PDZRN4: variants seen among roughly 807,000 people sequenced by gnomAD.
PDZRN4 encodes PDZ domain containing ring finger 4, also known as PDZ domain-containing RING finger protein 4.
In PDZRN4, 70 loss-of-function variants were observed where a neutral mutation model predicts 99.0. That is an observed-to-expected ratio of 0.71 (90% CI 0.58 to 0.86). The LOEUF is 0.86. Among genes scored for constraint, PDZRN4 ranks in the 40% least tolerant of loss-of-function variants. The pLI is 0.00. For synonymous variants in PDZRN4, 551 were observed against 501.6 expected, an observed-to-expected ratio of 1.10 and a Z score of -1.32; for missense variants, 1,474 against 1,331.2, an observed-to-expected ratio of 1.11 and a Z score of -1.67.
intron 3 of PDZRN4, among the ~76,000 whole-genome samples, chr12:41,428,684 G>A (rs922996439): frequency 6.6e-6 from 1 of 152,170 alleles, no homozygotes; most frequent in Non-Finnish European, 1.5e-5. Flanking sequence ...GAGGAGTTGC[G>A]ACCAGGGAAT....
chr12:41,337,761 G>A (rs181118296), intron 3 of PDZRN4, among the ~76,000 whole-genome samples: 2 of 152,208 alleles, frequency 1.3e-5, no homozygotes, highest in Admixed American at 1.3e-4. Context: ...GCAAAGATGA[G>A]GATGAAGTCA....
chr12:41,487,852 A>G (rs1463731706), intron 3 of PDZRN4, among the ~76,000 whole-genome samples: 1 of 152,226 alleles, frequency 6.6e-6, no homozygotes, highest in African/African-American at 2.4e-5. Context: ...AATTTTCCCA[A>G]ATTGGAGTTA....
At chr12:41,199,434 T>C (rs575480041) in intron 3 of PDZRN4, among the ~76,000 whole-genome samples, 87 of 152,266 alleles carry the variant, frequency 5.7e-4, no homozygotes, top group African/African-American at 1.9e-3. Flanking sequence ...GTAACTCCTG[T>C]GGAAAACACT....
At chr12:41,205,060 G>T (rs917252958) in intron 3 of PDZRN4, among the ~76,000 whole-genome samples, 1 of 151,588 alleles carries the variant, frequency 6.6e-6, no homozygotes, top group African/African-American at 2.4e-5. Context: ...AGATAAAAAT[G>T]AATTACTAGA....
chr12:41,372,545 T>C (rs1354729172), intron 3 of PDZRN4, among the ~76,000 whole-genome samples: 1 of 152,092 alleles, frequency 6.6e-6, no homozygotes, highest in Non-Finnish European at 1.5e-5. Flanking sequence ...TGAAGGATGA[T>C]AGGGATGAGC....
chr12:41,522,713 TC>T (rs558729212), intron 5 of PDZRN4, among the ~76,000 whole-genome samples: 135 of 152,230 alleles, frequency 8.9e-4, no homozygotes, highest in African/African-American at 3.2e-3. Flanking sequence ...CCTGTCACTT[TC>T]CTTAATGGTC....
At chr12:41,253,798 T>G (rs905919388) in intron 3 of PDZRN4, among the ~76,000 whole-genome samples, 1 of 152,188 alleles carries the variant, frequency 6.6e-6, no homozygotes, top group Non-Finnish European at 1.5e-5. Flanking sequence ...GAGATATTAT[T>G]CAGCCACAAA....
At chr12:41,370,640 A>G (rs2121078224) in intron 3 of PDZRN4, among the ~76,000 whole-genome samples, 1 of 152,052 alleles carries the variant, frequency 6.6e-6, no homozygotes, top group African/African-American at 2.4e-5. Flanking sequence ...AGCTGTTATC[A>G]TTCTCCTGCA....
chr12:41,363,899 C>A (rs1279254908), intron 3 of PDZRN4, among the ~76,000 whole-genome samples: 1 of 152,022 alleles, frequency 6.6e-6, no homozygotes. Context: ...AATTCCTCAT[C>A]TTTGGAACTT....
chr12:41,470,316 G>GA lies in PDZRN4; in HGVS notation c.844-36131dup, dbSNP rs920564233. On this transcript the variant is annotated intron_variant, in intron 3 of 9. Coordinates refer to ENST00000402685, the MANE Select transcript of PDZRN4 (RefSeq NM_001164595.2). ...TTTGGCAAAAATCTCCTCCAGGAGA[G>GA]AAAAAAAAATTAACTTGGTATTGGA... Among the ~76,000 whole-genome samples, 14 of 151,380 alleles carry GA rather than the reference G, an allele frequency of 9.2e-5. No homozygotes were observed. In the East Asian group the frequency reaches 9.7e-4, roughly 10 times the overall value.
chr12:41,555,105 T>C (rs1286307560), intron 6 of PDZRN4, among the ~76,000 whole-genome samples: 1 of 144,764 alleles, frequency 6.9e-6, no homozygotes, highest in Non-Finnish European at 1.5e-5. Flanking sequence ...GTGGCAGGCA[T>C]CTGTAGTCAC....
At chr12:41,260,177 A>G (rs10506183) in intron 3 of PDZRN4, among the ~76,000 whole-genome samples, 15,339 of 152,186 alleles carry the variant, frequency 0.1, 892 homozygotes, top group East Asian at 0.18. Flanking sequence ...TCTTTGGATC[A>G]TATTTTTAGA....
At chr12:41,427,786 C>T (rs926047316) in intron 3 of PDZRN4, among the ~76,000 whole-genome samples, 1 of 152,014 alleles carries the variant, frequency 6.6e-6, no homozygotes, top group African/African-American at 2.4e-5. Flanking sequence ...TTCTAGGATC[C>T]CGAAGGTTGA....
At chr12:41,325,361 C>T (rs1850472410) in intron 3 of PDZRN4, among the ~76,000 whole-genome samples, 1 of 152,050 alleles carries the variant, frequency 6.6e-6, no homozygotes, top group Non-Finnish European at 1.5e-5. Context: ...TAAAATGAAC[C>T]AAGATTCATT....
chr12:41,357,152 C>G (rs1951933675), intron 3 of PDZRN4, among the ~76,000 whole-genome samples: 1 of 151,916 alleles, frequency 6.6e-6, no homozygotes, highest in African/African-American at 2.4e-5. Context: ...GTCTCTTTCT[C>G]TCTCTGCCTC....
chr12:41,365,064 C>T (rs925629046), intron 3 of PDZRN4, among the ~76,000 whole-genome samples: 1 of 152,018 alleles, frequency 6.6e-6, no homozygotes, highest in African/African-American at 2.4e-5. Flanking sequence ...AGTTGCACCT[C>T]ATTTGAATTT....
Position 41,494,439 on chromosome 12 carries a change from G to A in PDZRN4, c.844-12017G>A, listed in dbSNP as rs936867375. Among the ~76,000 whole-genome samples, 4 of 152,004 alleles carry A rather than the reference G, an allele frequency of 2.6e-5. No individual in the cohort carries two copies. The East Asian group carries it at 7.7e-4, about 29-fold the overall frequency. On this transcript the variant is annotated intron_variant, in intron 3 of 9. Transcript: ENST00000402685. ...GCAGCATGTGTGACACAAATAGTAA[G>A]CACTCAACAAGTTTTTGTTACTGTT...
intron 5 of PDZRN4, among the ~76,000 whole-genome samples, chr12:41,514,009 T>C (rs1938353224): frequency 6.6e-6 from 1 of 152,054 alleles, no homozygotes; most frequent in South Asian, 2.1e-4. Flanking sequence ...TACTTCTCCC[T>C]CAATGATCAG....
chr12:41,535,709 A>G (rs1938737192), intron 5 of PDZRN4, among the ~76,000 whole-genome samples: 1 of 152,108 alleles, frequency 6.6e-6, no homozygotes, highest in Non-Finnish European at 1.5e-5. Context: ...TTATTACAGC[A>G]GTGGGTTCAT....
Sources: gnomAD v4.1 joint callset for allele counts (sites outside exome capture counted in the v4.1 genomes callset) on GRCh38, gnomAD v4.1.1 for gene constraint, MANE v1.5 for transcripts, NCBI Gene and HGNC (gene_info 2026-07-23, HGNC 2026-07-21) for gene names.